Variants in BBS12 observed in about 807,000 individuals in gnomAD.
BBS12 encodes the protein Bardet-Biedl syndrome 12.
A neutral mutation model predicts 5.6 loss-of-function variants in BBS12; 5 were observed. The observed-to-expected ratio is 0.89, with a 90% CI of 0.46 to 1.86. BBS12 has a LOEUF of 1.86. BBS12 is among the 40% of genes most tolerant of loss of function. The pLI is 0.01. For synonymous variants in BBS12, 308 were observed against 306.8 expected (o/e 1.00, Z -0.04); for missense variants, 748 against 830.4 (o/e 0.90, Z 1.22).
chr4:122,737,987 G>A (rs1260955363), intron 1 of BBS12, among the ~76,000 whole-genome samples: 1 of 152,080 alleles, frequency 6.6e-6, no homozygotes, highest in African/African-American at 2.4e-5. Context: ...GAATAAAGTT[G>A]GACTCCTACC....
chr4:122,735,208 G>A (rs1400843038), intron 1 of BBS12, among the ~76,000 whole-genome samples: 2 of 152,124 alleles, frequency 1.3e-5, no homozygotes, highest in Non-Finnish European at 2.9e-5. Context: ...AGGCATTTGC[G>A]TTGGGTCATG....
chr4:122,712,358 T>C, the BBS12 span, among the ~76,000 whole-genome samples: 1 of 152,240 alleles, frequency 6.6e-6, no homozygotes, highest in Non-Finnish European at 1.5e-5. Context: ...ACTTGCAGCA[T>C]AATGGGAGAG....
the BBS12 span, among the ~76,000 whole-genome samples, chr4:122,715,264 A>T: frequency 6.6e-6 from 1 of 151,116 alleles, no homozygotes; most frequent in Non-Finnish European, 1.5e-5. Context: ...ATTCTCTAGC[A>T]TGTCCTAAAC....
upstream of BBS12, chr4:122,729,624 C>T (rs2150729699): frequency 6.6e-6 from 1 of 152,280 alleles, no homozygotes; most frequent in South Asian, 2.1e-4. Context: ...CAATCAGCTT[C>T]CAACTTGTAA....
In BBS12 at chr4:122,742,490, T is replaced by C; in HGVS notation, c.598T>C (p.Phe200Leu). ...GAGACCTCTTAAATCATATGAATTA[T>C]TTAAACCTCAGACAAAGGTTGAAGC... ...SGRPLKSYEL[F>L]KPQTKVEADN... The change falls in exon 2 of 2, where the codon TTT becomes CTT. Residue 200 changes from phenylalanine (F) to leucine (L), a missense_variant. Transcript: ENST00000314218. The C allele has an allele frequency of 6.2e-7, 1 of 1,614,086 alleles. No homozygotes were observed. Among genetic ancestry groups the C allele is most frequent in the Non-Finnish European group, 8.5e-7 (1 of 1,179,974 alleles).
Position 122,743,349 on chromosome 4 carries a change from A to G in BBS12, c.1457A>G (p.Asn486Ser), listed in dbSNP as rs1452636371. The G allele has an allele frequency of 1.2e-6, 2 of 1,614,226 alleles. No homozygotes were observed. Among genetic ancestry groups the G allele is most frequent in the South Asian group, 1.1e-5 (1 of 91,090 alleles). ...SSPLDVVDRN[N>S]RIAILLKTEG... The stretch of plus-strand genomic sequence containing the variant: ...CCTTTGGATGTTGTAGATAGGAACA[A>G]CAGAATCGCAATCTTATTAAAAACA... Residue 486 changes from asparagine (N) to serine (S), a missense_variant, in exon 2 of 2, where the codon AAC (asparagine) becomes AGC (serine). Physicochemically the swap from Asn to Ser is conservative, Grantham distance 46. Transcript: ENST00000314218.
the BBS12 span, among the ~76,000 whole-genome samples, chr4:122,716,693 ATG>A: frequency 2.2e-3 from 163 of 74,102 alleles, 10 homozygotes; most frequent in African/African-American, 7.0e-3. Context: ...ACATATGTGT[ATG>A]TGTGTGTATA....
the BBS12 span, among the ~76,000 whole-genome samples, chr4:122,711,073 C>G: frequency 6.6e-6 from 1 of 152,156 alleles, no homozygotes; most frequent in Non-Finnish European, 1.5e-5. Flanking sequence ...CCTTTTGATT[C>G]ATAAACTGTC....
rs772894742 is a variant in BBS12 at position 122,743,351 on chromosome 4, A to G, written c.1459A>G (p.Arg487Gly). Residue 487 changes from arginine (R) to glycine (G), a missense_variant, in exon 2 of 2, where the codon AGA becomes GGA. Physicochemically the swap from Arg to Gly is moderately radical, Grantham distance 125 (BLOSUM62 -2). Coordinates refer to ENST00000314218, the MANE Select transcript of BBS12 (RefSeq NM_152618.3). ...SPLDVVDRNN[R>G]IAILLKTEGI... ...TTTGGATGTTGTAGATAGGAACAACAGAATCGCAATCTTATTAAAAACAGA... is the reference window on the plus strand; with the variant it reads ...TTTGGATGTTGTAGATAGGAACAACGGAATCGCAATCTTATTAAAAACAGA... 7.4e-6 allele frequency: 12 copies of G among 1,614,118 alleles called. No individual in the cohort carries two copies. The East Asian group carries it at 2.4e-4, about 33-fold the overall frequency.
chr4:122,735,890 C>A (rs1319457703), intron 1 of BBS12, among the ~76,000 whole-genome samples: 1 of 152,040 alleles, frequency 6.6e-6, no homozygotes, highest in Non-Finnish European at 1.5e-5. Flanking sequence ...TGGAACAAAT[C>A]CAGAGTACAG....
the BBS12 span, among the ~76,000 whole-genome samples, chr4:122,714,506 G>A: frequency 7.2e-5 from 11 of 152,140 alleles, no homozygotes; most frequent in East Asian, 7.7e-4. Flanking sequence ...ACTGCCAGGC[G>A]TGGTGGCTCA....
At chr4:122,736,281 A>T (rs570624332) in intron 1 of BBS12, among the ~76,000 whole-genome samples, 5 of 152,292 alleles carry the variant, frequency 3.3e-5, no homozygotes, top group African/African-American at 7.2e-5. Context: ...TGTCAAAGGC[A>T]TAAAGCTTTA....
intron 1 of BBS12, chr4:122,733,859 C>CTTTTTTTTTTTTTTTTTTT (rs35729794): frequency 1.0e-5 from 1 of 97,126 alleles, no homozygotes; most frequent in Non-Finnish European, 2.0e-5. Context: ...TAACTTTAGT[C>CTTTTTTTTTTTTTTTTTTT]TTTTTTTTTT....
the BBS12 span, among the ~76,000 whole-genome samples, chr4:122,710,550 T>C: frequency 1.3e-5 from 2 of 152,192 alleles, no homozygotes; most frequent in Non-Finnish European, 2.9e-5. Flanking sequence ...TCTGCTGGGT[T>C]AGAGAGGTAT....
the BBS12 span, among the ~76,000 whole-genome samples, chr4:122,725,648 T>G: frequency 6.6e-6 from 1 of 152,052 alleles, no homozygotes. Flanking sequence ...CCTGTAATCC[T>G]AGCACTTTGG....
the BBS12 span, among the ~76,000 whole-genome samples, chr4:122,705,205 G>T: frequency 6.6e-6 from 1 of 152,164 alleles, no homozygotes; most frequent in African/African-American, 2.4e-5. Flanking sequence ...ACTTGAAAGG[G>T]TGCTGCCCAG....
At chr4:122,726,286 G>A in the BBS12 span, among the ~76,000 whole-genome samples, 3 of 152,036 alleles carry the variant, frequency 2.0e-5, no homozygotes, top group Non-Finnish European at 1.5e-5. Context: ...ATTCTCAAAA[G>A]AAGATATACA....
chr4:122,729,525 C>G (rs1463182107), upstream of BBS12: 3 of 152,202 alleles, frequency 2.0e-5, no homozygotes, highest in African/African-American at 7.2e-5. Flanking sequence ...GATTTGGAAT[C>G]CATGTTTTAT....
the BBS12 span, among the ~76,000 whole-genome samples, chr4:122,709,570 AT>A: frequency 6.6e-6 from 1 of 152,230 alleles, no homozygotes; most frequent in Non-Finnish European, 1.5e-5. Context: ...AATAATGATC[AT>A]AATAAAAAGT....
Sources: gnomAD v4.1 joint callset for allele counts (sites outside exome capture counted in the v4.1 genomes callset) on GRCh38, gnomAD v4.1.1 for gene constraint, MANE v1.5 for transcripts, NCBI Gene and HGNC (gene_info 2026-07-23, HGNC 2026-07-21) for gene names.